Variants in FAM227A observed in about 807,000 individuals in gnomAD.
FAM227A encodes family with sequence similarity 227 member A, also known as protein FAM227A.
In FAM227A, 80 loss-of-function variants were observed where a neutral mutation model predicts 74.7. The observed-to-expected ratio is 1.07, with a 90% CI of 0.89 to 1.29. FAM227A has a LOEUF of 1.29. Ranked by LOEUF, FAM227A falls within the 50% of genes most tolerant of loss-of-function variation. The probability of loss-of-function intolerance (pLI) is 0.00; values close to 1 mark genes in which losing one functional copy is unlikely to be tolerated. For missense variants in FAM227A, 654 were observed against 683.4 expected (o/e 0.96, Z 0.48); for synonymous variants, 237 against 241.8 (o/e 0.98, Z 0.19).
At chr22:38,630,854 C>T (rs1291956225) in intron 6 of FAM227A, among the ~76,000 whole-genome samples, 1 of 152,142 alleles carries the variant, frequency 6.6e-6, no homozygotes, top group Non-Finnish European at 1.5e-5. Flanking sequence ...CTTCAGGTCT[C>T]GGGACAGTGT....
intron 3 of FAM227A, among the ~76,000 whole-genome samples, chr22:38,640,778 G>A (rs1002599379): frequency 2.6e-4 from 40 of 152,082 alleles, no homozygotes; most frequent in African/African-American, 9.7e-4. Context: ...CATGAGTGTT[G>A]GTGGCATCAG....
At chr22:38,647,701 T>C (rs2092263512) in intron 2 of FAM227A, among the ~76,000 whole-genome samples, 1 of 152,138 alleles carries the variant, frequency 6.6e-6, no homozygotes, top group East Asian at 1.9e-4. Flanking sequence ...CTAGGATATA[T>C]CCTTTGTAAA....
chr22:38,626,093 G>A lies in FAM227A; in HGVS notation c.850+87C>T, dbSNP rs939207649. ...AGAGAGAATGCCTTCATGAAGGGGTGTCATAGCAAACAATAACATACCTAG... is the reference window on the plus strand; with the variant it reads ...AGAGAGAATGCCTTCATGAAGGGGTATCATAGCAAACAATAACATACCTAG... On this transcript the variant is annotated intron_variant, in intron 9 of 16. Transcript: ENST00000535113. 9 of 1,360,438 alleles carry A rather than the reference G, an allele frequency of 6.6e-6. No individual in the cohort carries two copies. In the African/African-American group the frequency reaches 8.7e-5, roughly 13 times the overall value. 84.3% of individuals were successfully genotyped at this position (1,360,438 alleles called of 1,614,324 possible).
intron 12 of FAM227A, 110 bp downstream of exon 12, chr22:38,607,279 A>C (rs1410185989): frequency 4.3e-6 from 3 of 700,272 alleles, no homozygotes; most frequent in Admixed American, 5.6e-5. Flanking sequence ...CTGGAACCCC[A>C]AGTATAAAGT....
chr22:38,634,582 G>A (rs146482094), intron 6 of FAM227A, among the ~76,000 whole-genome samples: 6 of 152,296 alleles, frequency 3.9e-5, no homozygotes, highest in Admixed American at 3.3e-4. Context: ...AGAAATTAAA[G>A]CTCAGAGAGG....
Position 38,584,326 on chromosome 22 carries a change from A to G in FAM227A, c.*1799T>C, listed in dbSNP as rs1243132636. Reference sequence around the variant, plus strand: ...CCAAGTCCGTTTCTTCCTAGGAGAAAATGGAGGTAACAATATCCATCTTGG... The same window carrying G: ...CCAAGTCCGTTTCTTCCTAGGAGAAGATGGAGGTAACAATATCCATCTTGG... On this transcript the variant is annotated 3_prime_UTR_variant, in exon 17 of 17. Transcript: ENST00000535113. The G allele has an allele frequency of 1.3e-5, 2 of 152,170 alleles. No individual in the cohort carries two copies. Among genetic ancestry groups the G allele is most frequent in the African/African-American group, 4.8e-5 (2 of 41,412 alleles). The allele number at this position is 152,170 out of a possible 1,614,324, so 9.4% of individuals were successfully genotyped here. A position where few individuals can be genotyped will look rare whatever the true frequency, so the allele number is the denominator to read the frequency against.
In FAM227A at chr22:38,581,243, TG is replaced by T. The variant is rs1277042335; in HGVS notation, c.*4881del. On this transcript the variant is annotated 3_prime_UTR_variant, in exon 17 of 17. Coordinates refer to ENST00000535113, the MANE Select transcript of FAM227A (RefSeq NM_001013647.2). ...GTCTTTCTGACAGGATCCTTGTCTT[TG>T]ATAGCTTCCTTGGTGTTAAGTGTGA... 1 of 152,234 alleles carries T rather than the reference TG, an allele frequency of 6.6e-6. No individual in the cohort carries two copies. Among genetic ancestry groups the T allele is most frequent in the Non-Finnish European group, 1.5e-5 (1 of 68,046 alleles). 9.4% of individuals were successfully genotyped at this position (152,234 alleles called of 1,614,324 possible). A position where few individuals can be genotyped will look rare whatever the true frequency, so the allele number is the denominator to read the frequency against.
chr22:38,592,888 A>G (rs2090967708), intron 15 of FAM227A, among the ~76,000 whole-genome samples: 1 of 152,246 alleles, frequency 6.6e-6, no homozygotes. Flanking sequence ...AGGAAATACT[A>G]TCAAATGACT....
chr22:38,622,734 G>A lies in FAM227A; in HGVS notation c.958+438C>T, dbSNP rs2091716585. ...CTACTAAAAATACAAAAATTAGCTG[G>A]GCGTGGTGGTGGGTGCCTGGGATCC... On this transcript the variant is annotated intron_variant, in intron 10 of 16. Transcript: ENST00000535113. 3.3e-5 allele frequency among the ~76,000 whole-genome samples: 5 copies of A among 151,864 alleles called. No homozygotes were observed. In the South Asian group the frequency reaches 8.3e-4, roughly 25 times the overall value.
At chr22:38,613,272 T>TTATATATCATATATAA (rs1429867624) in intron 11 of FAM227A, among the ~76,000 whole-genome samples, 26 of 72,664 alleles carry the variant, frequency 3.6e-4, no homozygotes, top group African/African-American at 1.4e-3. Flanking sequence ...ATAACATATA[T>TTATATATCATATATAA]TATATATCAT....
At chr22:38,618,614 T>G (rs2091624317) in intron 11 of FAM227A, 1 of 152,214 alleles carries the variant, frequency 6.6e-6, no homozygotes. Context: ...GTCTATCTTT[T>G]GTCAGTTTAA....
chr22:38,613,172 ATATATTATATATAATATATATATAT>A lies in FAM227A; in HGVS notation c.1039-5721_1039-5697del, dbSNP rs1164534792. The stretch of plus-strand genomic sequence containing the variant: ...TATATATTATATATCTATGCTGTAT[ATATATTATATATAATATATATATAT>A]TATATTATATATATCTATGCTGTAT... On this transcript the variant is annotated intron_variant, in intron 11 of 16. Transcript: ENST00000535113. Among the ~76,000 whole-genome samples, 552 of 83,408 alleles carry A rather than the reference ATATATTATATATAATATATATATAT, an allele frequency of 6.6e-3. 11 individuals carry two copies. Among genetic ancestry groups the A allele is most frequent in the African/African-American group, 0.029 (533 of 18,508 alleles). 54.7% of individuals were successfully genotyped at this position (83,408 alleles called of 152,430 possible). A position where few individuals can be genotyped will look rare whatever the true frequency, so the allele number is the denominator to read the frequency against.
intron 9 of FAM227A, 22 bp downstream of exon 9, chr22:38,626,158 G>A: frequency 6.5e-7 from 1 of 1,549,102 alleles, no homozygotes; most frequent in Non-Finnish European, 8.7e-7. Context: ...GCTTTCCCCG[G>A]TGGAAAAAAG....
At chr22:38,652,101 G>A (rs375004062) in intron 1 of FAM227A, among the ~76,000 whole-genome samples, 11 of 151,838 alleles carry the variant, frequency 7.2e-5, no homozygotes, top group Non-Finnish European at 1.6e-4. Context: ...CAGGAGAATC[G>A]CTTGAACCTG....
Position 38,605,391 on chromosome 22 carries a change from G to A in FAM227A, c.1127-43C>T, listed in dbSNP as rs1157305311. 3 of 1,197,304 alleles carry A rather than the reference G, an allele frequency of 2.5e-6. No homozygotes were observed. In the Admixed American group the frequency reaches 6.0e-5, roughly 24 times the overall value. 74.2% of individuals were successfully genotyped at this position (1,197,304 alleles called of 1,614,324 possible). On this transcript the variant is annotated intron_variant, in intron 12 of 16. Transcript: ENST00000535113. ...GCAAGAAAATGACCATTAGGTTCAA[G>A]CAATTCTCGTGCCTCAGCCTCCTGA... is the stretch of plus-strand genomic sequence containing the variant.
intron 15 of FAM227A, among the ~76,000 whole-genome samples, chr22:38,593,131 A>G (rs1283119595): frequency 6.6e-6 from 1 of 152,234 alleles, no homozygotes; most frequent in African/African-American, 2.4e-5. Context: ...CTATTGGGAG[A>G]GACAGATATG....
In FAM227A at chr22:38,635,142, G is replaced by A. The variant is rs554304968; in HGVS notation, c.519+1309C>T. On this transcript the variant is annotated intron_variant, in intron 6 of 16. Transcript: ENST00000535113. ...GCCTGTAATCTCAGGCAGGGGAATC[G>A]CCTGAATCAGGGAGCGGAGCTTGCA... Among the ~76,000 whole-genome samples the A allele has an allele frequency of 1.1e-4, 17 of 150,260 alleles. 1 individual carries two copies. The highest frequency in any genetic ancestry group is 2.7e-4 in the African/African-American group (11 of 40,690).
intron 11 of FAM227A, among the ~76,000 whole-genome samples, chr22:38,613,057 ATATATGTAAATATAT>A (rs1257541171): frequency 1.2e-4 from 13 of 110,578 alleles, no homozygotes; most frequent in African/African-American, 4.5e-4. Context: ...TATATATTAT[ATATATGTAAATATAT>A]TATATATAAT....
intron 4 of FAM227A, among the ~76,000 whole-genome samples, chr22:38,639,268 G>T (rs2145668093): frequency 6.6e-6 from 1 of 152,186 alleles, no homozygotes; most frequent in South Asian, 2.1e-4. Flanking sequence ...AATTAGCCAG[G>T]CACGGTGGCG....
Sources: gnomAD v4.1 joint callset for allele counts (sites outside exome capture counted in the v4.1 genomes callset) on GRCh38, gnomAD v4.1.1 for gene constraint, MANE v1.5 for transcripts, NCBI Gene and HGNC (gene_info 2026-07-23, HGNC 2026-07-21) for gene names.